The following KCNMA1 variants were observed in gnomAD, a reference collection of about 807,000 sequenced individuals.
The protein encoded by KCNMA1 is Calcium-activated potassium channel subunit alpha-1.
Under a neutral mutation model 140.0 loss-of-function variants are expected in KCNMA1, and 29 were observed. The observed-to-expected ratio is 0.21, with a 90% CI of 0.15 to 0.28. The LOEUF is 0.28. Among genes scored for constraint, KCNMA1 ranks in the 10% least tolerant of loss-of-function variants. The pLI is 1.00. For synonymous variants in KCNMA1, 612 were observed against 611.9 expected (o/e 1.00, Z 0.00); for missense variants, 880 against 1,602.2 (o/e 0.55, Z 7.70).
chr10:76,977,758 C>T (rs961681019), intron 19 of KCNMA1: 2 of 643,798 alleles, frequency 3.1e-6, no homozygotes, highest in African/African-American at 3.6e-5. Context: ...ACCACCCAAC[C>T]TGCTATTAGC....
In KCNMA1 at chr10:77,001,574, A is replaced by G; in HGVS notation, c.2099T>C (p.Met700Thr). 1 of 1,551,472 alleles carries G rather than the reference A, an allele frequency of 6.4e-7. No individual in the cohort carries two copies. Among genetic ancestry groups the G allele is most frequent in the Non-Finnish European group, 8.7e-7 (1 of 1,146,460 alleles). ...CCGTCTCATTCTCTTGTAGATGGACATCTTGGCTATAACCGTGTGGTTGGA... is the reference window on the plus strand; with the variant it reads ...CCGTCTCATTCTCTTGTAGATGGACGTCTTGGCTATAACCGTGTGGTTGGA... ...IKKCGCKRPK[M>T]SIYKRMRRAC... The change falls in exon 19 of 28, where the codon ATG becomes ACG. Residue 700 changes from methionine (M) to threonine (T), a missense_variant. Around this residue, in one of 13 missense-constraint regions of KCNMA1, gnomAD observed 196 missense variants for 233.0 expected, o/e 0.84. Coordinates refer to ENST00000286628, the MANE Select transcript of KCNMA1 (RefSeq NM_001161352.2).
intron 2 of KCNMA1, among the ~76,000 whole-genome samples, chr10:77,264,117 T>A (rs545969187): frequency 6.6e-6 from 1 of 152,306 alleles, no homozygotes; most frequent in South Asian, 2.1e-4. Flanking sequence ...GTCAGCAGCA[T>A]AAACCTCTGC....
intron 1 of KCNMA1, among the ~76,000 whole-genome samples, chr10:77,592,449 A>G (rs1032838299): frequency 2.0e-5 from 3 of 152,238 alleles, no homozygotes; most frequent in African/African-American, 4.8e-5. Flanking sequence ...GTTCTTTTCT[A>G]TAGTGATGTA....
chr10:77,516,739 C>T (rs1230853111), intron 1 of KCNMA1, among the ~76,000 whole-genome samples: 4 of 152,168 alleles, frequency 2.6e-5, no homozygotes, highest in Non-Finnish European at 4.4e-5. Context: ...GCTCCGGCTC[C>T]GGTGCTGCAA....
At position 77,270,053 on chromosome 10, in the gene KCNMA1, C is replaced by A. The variant is rs370686953; in HGVS notation, c.541-18797G>T. On this transcript the variant is annotated intron_variant, in intron 2 of 27. Coordinates refer to ENST00000286628, the MANE Select transcript of KCNMA1 (RefSeq NM_001161352.2). ...GTGGGGTCCCTCAAGCAAGCACAGC[C>A]CTCTCACCTCCTGCTTTTGGGCACC... Among the ~76,000 whole-genome samples, 43 of 152,284 alleles carry A rather than the reference C, an allele frequency of 2.8e-4. 1 individual carries two copies. In the South Asian group the frequency reaches 8.7e-3, roughly 31 times the overall value.
Position 77,183,444 on chromosome 10 carries a change from A to C in KCNMA1, c.785T>G (p.Val262Gly). ...ACCAAGCCAACTTCTGTTTAAGTAC[A>C]CAGACACAAACACGGGGGGCACCGT... is the stretch of plus-strand genomic sequence containing the variant. ...FFTVPPVFVS[V>G]YLNRSWLGLR... The change falls in exon 5 of 28, where the codon GTG (valine) becomes GGG (glycine). Residue 262 changes from valine (V) to glycine (G), a missense_variant. By Grantham distance (109) the Val-to-Gly change is moderately radical. Transcript: ENST00000286628. 1 of 1,613,670 alleles carries C rather than the reference A, an allele frequency of 6.2e-7. No individual in the cohort carries two copies. Among genetic ancestry groups the C allele is most frequent in the Non-Finnish European group, 8.5e-7 (1 of 1,179,690 alleles).
At chr10:77,141,166 G>A (rs2098160276) in intron 5 of KCNMA1, among the ~76,000 whole-genome samples, 1 of 152,116 alleles carries the variant, frequency 6.6e-6, no homozygotes, top group Non-Finnish European at 1.5e-5. Flanking sequence ...GGGATTCTGG[G>A]CTATCCAGAG....
intron 19 of KCNMA1, among the ~76,000 whole-genome samples, chr10:76,987,259 A>T (rs994898422): frequency 6.6e-6 from 1 of 152,200 alleles, no homozygotes; most frequent in Non-Finnish European, 1.5e-5. Flanking sequence ...CTTCTACAAA[A>T]ACCTCAACAT....
intron 5 of KCNMA1, among the ~76,000 whole-genome samples, chr10:77,173,411 AT>A (rs1312046192): frequency 2.0e-5 from 3 of 152,122 alleles, no homozygotes; most frequent in Admixed American, 2.0e-4. Flanking sequence ...CAGTTTCCCC[AT>A]CTGTAATATG....
intron 9 of KCNMA1, among the ~76,000 whole-genome samples, chr10:77,095,889 A>G (rs779987136): frequency 6.6e-6 from 1 of 152,162 alleles, no homozygotes; most frequent in Non-Finnish European, 1.5e-5. Flanking sequence ...GCAGTGACTG[A>G]GGCATCAAGA....
At chr10:76,901,569 C>T (rs1432207236) in intron 25 of KCNMA1, 1 of 152,176 alleles carries the variant, frequency 6.6e-6, no homozygotes, top group Non-Finnish European at 1.5e-5. Context: ...CAGTCACTGA[C>T]ATTTATTGAG....
At position 77,204,128 on chromosome 10, in the gene KCNMA1, G is replaced by T. The variant is rs57773090; in HGVS notation, c.603-19212C>A. Among the ~76,000 whole-genome samples the T allele has an allele frequency of 1.9e-3, 294 of 151,322 alleles. 1 individual carries two copies. Among genetic ancestry groups the T allele is most frequent in the Non-Finnish European group, 3.6e-3 (246 of 67,800 alleles). ...AAAAAAAAAAGAAAGAAAGAAAAAAGAACTTAAATTATATGACAATTACAT... is the reference window on the plus strand; with the variant it reads ...AAAAAAAAAAGAAAGAAAGAAAAAATAACTTAAATTATATGACAATTACAT... On this transcript the variant is annotated intron_variant, in intron 3 of 27. Coordinates refer to ENST00000286628, the MANE Select transcript of KCNMA1 (RefSeq NM_001161352.2).
intron 3 of KCNMA1, among the ~76,000 whole-genome samples, chr10:77,206,897 C>T (rs2044320812): frequency 6.6e-6 from 1 of 152,006 alleles, no homozygotes; most frequent in Non-Finnish European, 1.5e-5. Context: ...CTTTATCAAA[C>T]CATGCTTGTT....
At chr10:76,936,316 A>G (rs1045885489) in intron 23 of KCNMA1, among the ~76,000 whole-genome samples, 1 of 152,210 alleles carries the variant, frequency 6.6e-6, no homozygotes, top group Non-Finnish European at 1.5e-5. Flanking sequence ...TAGAGGACTC[A>G]AGATAAGATC....
chr10:77,475,473 T>G (rs35799), intron 1 of KCNMA1, among the ~76,000 whole-genome samples: 65,006 of 152,088 alleles, frequency 0.43, 14,331 homozygotes, highest in East Asian at 0.68. Context: ...GAAGTGAAAT[T>G]AAGATCCTTA....
At chr10:77,510,447 A>G (rs2047950093) in intron 1 of KCNMA1, among the ~76,000 whole-genome samples, 1 of 152,152 alleles carries the variant, frequency 6.6e-6, no homozygotes, top group Admixed American at 6.5e-5. Flanking sequence ...GGAAGCCTCT[A>G]TGGAGTGCAG....
intron 14 of KCNMA1, among the ~76,000 whole-genome samples, chr10:77,061,317 T>TA (rs754073932): frequency 3.6e-4 from 55 of 151,662 alleles, no homozygotes; most frequent in Non-Finnish European, 7.4e-4. Context: ...TCTTAAACAG[T>TA]AAAAAACAAA....
chr10:77,629,255 A>T (rs1022155158), intron 1 of KCNMA1, among the ~76,000 whole-genome samples: 1 of 152,216 alleles, frequency 6.6e-6, no homozygotes, highest in African/African-American at 2.4e-5. Context: ...ATCTTAAAGC[A>T]GCCATTCTTT....
chr10:76,960,618 GTTTTTTTT>G lies in KCNMA1; in HGVS notation c.2361-6702_2361-6695del, dbSNP rs55685324. Among the ~76,000 whole-genome samples the G allele has an allele frequency of 1.7e-3, 101 of 59,354 alleles. 1 individual carries two copies. Among genetic ancestry groups the G allele is most frequent in the African/African-American group, 6.2e-3 (93 of 15,010 alleles). The allele number at this position is 59,354 out of a possible 152,430, so 38.9% of individuals were successfully genotyped here. A position where few individuals can be genotyped will look rare whatever the true frequency, so the allele number is the denominator to read the frequency against. ...TGCACTTTGCAGATATTATGGTTTT[GTTTTTTTT>G]TTTTTTTTTTTTTTTTTTTTACAAA... is the stretch of plus-strand genomic sequence containing the variant. On this transcript the variant is annotated intron_variant, in intron 20 of 27. Transcript: ENST00000286628.
Sources: allele counts gnomAD v4.1 joint callset (sites outside exome capture counted in the v4.1 genomes callset), GRCh38; gene constraint gnomAD v4.1.1; regional missense constraint gnomAD v4.1.1; transcripts MANE v1.5; gene names NCBI Gene and HGNC (gene_info 2026-07-23, HGNC 2026-07-21).